HOMER2: variants seen among roughly 807,000 people sequenced by gnomAD.
The protein encoded by HOMER2 is homer protein homolog 2.
HOMER2 carries 27 observed loss-of-function variants against 47.0 expected under a neutral mutation model. The observed-to-expected ratio is 0.57, with a 90% CI of 0.42 to 0.79. HOMER2 has a LOEUF of 0.79. Among genes scored for constraint, HOMER2 ranks in the 30% least tolerant of loss-of-function variants. HOMER2 has a pLI of 0.00. For synonymous variants in HOMER2, 161 were observed against 163.8 expected (o/e 0.98, Z 0.13); for missense variants, 443 against 435.0 (o/e 1.02, Z -0.16).
intron 1 of HOMER2, among the ~76,000 whole-genome samples, chr15:82,983,607 T>C (rs74585004): frequency 1.3e-5 from 2 of 151,954 alleles, no homozygotes; most frequent in African/African-American, 4.8e-5. Flanking sequence ...TTTTTTTTTT[T>C]AGATGGAGTC....
chr15:82,950,178 T>C, intron 1 of HOMER2, among the ~76,000 whole-genome samples: 1 of 152,006 alleles, frequency 6.6e-6, no homozygotes, highest in Non-Finnish European at 1.5e-5. Context: ...CCACGGGGTG[T>C]GCCTAGGAAG....
intron 1 of HOMER2, among the ~76,000 whole-genome samples, chr15:82,951,573 G>A (rs1312415419): frequency 1.3e-5 from 2 of 152,226 alleles, no homozygotes; most frequent in Non-Finnish European, 2.9e-5. Flanking sequence ...GTCCTGCGAA[G>A]GGCTGTTGGA....
At chr15:82,877,383 T>C (rs1400439632) in intron 2 of HOMER2, among the ~76,000 whole-genome samples, 1 of 152,180 alleles carries the variant, frequency 6.6e-6, no homozygotes, top group Non-Finnish European at 1.5e-5. Flanking sequence ...TTGGCCAGGC[T>C]GGTCTCAAAC....
chr15:82,957,540 G>C (rs1011048941), upstream of HOMER2, among the ~76,000 whole-genome samples: 8 of 152,234 alleles, frequency 5.3e-5, no homozygotes, highest in African/African-American at 1.9e-4. Context: ...TGTACTTCCT[G>C]CCAGATAACA....
At chr15:82,965,137 A>C (rs866600736) in intron 1 of HOMER2, among the ~76,000 whole-genome samples, 3 of 152,048 alleles carry the variant, frequency 2.0e-5, no homozygotes, top group African/African-American at 7.2e-5. Context: ...CTCCTGCCTC[A>C]GCTTCTCTAT....
intron 2 of HOMER2, among the ~76,000 whole-genome samples, chr15:82,879,788 A>G (rs531237867): frequency 1.3e-5 from 2 of 152,168 alleles, no homozygotes; most frequent in Non-Finnish European, 2.9e-5. Flanking sequence ...TCCTTTCACA[A>G]AAGATTTCTC....
intron 1 of HOMER2, among the ~76,000 whole-genome samples, chr15:82,928,001 C>T (rs1448134702): frequency 6.7e-6 from 1 of 149,160 alleles, no homozygotes; most frequent in African/African-American, 2.5e-5. Context: ...AAAAAGTGCA[C>T]CGCTAGGCTA....
intron 2 of HOMER2, among the ~76,000 whole-genome samples, chr15:82,876,442 G>T (rs1022295013): frequency 2.0e-5 from 3 of 152,214 alleles, no homozygotes; most frequent in African/African-American, 7.2e-5. Context: ...TAGTCAGGAA[G>T]AGGGCAAAGA....
rs2051318352 is a variant in HOMER2, at chr15:82,849,535, A to G, written c.*180T>C. On this transcript the variant is annotated 3_prime_UTR_variant, in exon 9 of 9. Transcript: ENST00000450735. ...CAGTTGTCCACAACCTCACAAGGCC[A>G]GAGAAGCGAGAGGAGATTTCTATTC... The G allele has an allele frequency of 1.7e-6, 1 of 598,198 alleles. No individual in the cohort carries two copies. Among genetic ancestry groups the G allele is most frequent in the Admixed American group, 3.0e-5 (1 of 33,044 alleles). The allele number at this position is 598,198 out of a possible 1,614,324, so 37.1% of individuals were successfully genotyped here.
intron 1 of HOMER2, among the ~76,000 whole-genome samples, chr15:82,903,458 CA>C (rs201337912): frequency 0.058 from 8,709 of 151,052 alleles, 579 homozygotes; most frequent in African/African-American, 0.16. Flanking sequence ...ACTAAAAATA[CA>C]AAAAAAAATT....
intron 4 of HOMER2, among the ~76,000 whole-genome samples, chr15:82,862,271 T>G (rs2051820381): frequency 6.6e-6 from 1 of 152,080 alleles, no homozygotes; most frequent in Non-Finnish European, 1.5e-5. Flanking sequence ...TGCTAAAGAT[T>G]AGAAACAAAA....
intron 2 of HOMER2, among the ~76,000 whole-genome samples, chr15:82,889,790 C>A (rs894717534): frequency 6.6e-6 from 1 of 152,108 alleles, no homozygotes; most frequent in East Asian, 1.9e-4. Flanking sequence ...GCTGGGTTTA[C>A]AGGTTGCTGC....
chr15:82,985,966 T>C (rs745698969), upstream of HOMER2: 34 of 624,174 alleles, frequency 5.4e-5, no homozygotes, highest in South Asian at 1.6e-3. Context: ...ACCCGTCACC[T>C]GCTCCCAATC....
upstream of HOMER2, chr15:82,985,991 G>C: frequency 1.2e-6 from 1 of 835,020 alleles, no homozygotes; most frequent in South Asian, 5.4e-5. Context: ...GAGCTTAATA[G>C]ACGGCGACGT....
downstream of HOMER2, chr15:82,835,878 T>TG (rs1386786250): frequency 6.6e-6 from 1 of 152,228 alleles, no homozygotes; most frequent in African/African-American, 2.4e-5. Context: ...AATTTGGAAT[T>TG]GAAAAAGTAG....
chr15:82,855,518 C>CA (rs2051557605), intron 5 of HOMER2, among the ~76,000 whole-genome samples: 1 of 152,100 alleles, frequency 6.6e-6, no homozygotes, highest in Non-Finnish European at 1.5e-5. Flanking sequence ...GACGGACCTC[C>CA]AGGACGCTGG....
At chr15:82,919,535 AAG>A (rs1301947505) in intron 1 of HOMER2, among the ~76,000 whole-genome samples, 1 of 152,238 alleles carries the variant, frequency 6.6e-6, no homozygotes, top group Non-Finnish European at 1.5e-5. Context: ...TCTCCCAACA[AAG>A]AGGCTTCACA....
chr15:82,964,981 A>G (rs750935202), intron 1 of HOMER2, among the ~76,000 whole-genome samples: 12 of 152,186 alleles, frequency 7.9e-5, no homozygotes, highest in Non-Finnish European at 1.2e-4. Context: ...TAATATGTCA[A>G]TGTAGACTTA....
intron 2 of HOMER2, among the ~76,000 whole-genome samples, chr15:82,878,667 G>A (rs552852140): frequency 9.2e-5 from 14 of 152,250 alleles, no homozygotes; most frequent in African/African-American, 2.2e-4. Context: ...TTGCTCTGTT[G>A]CCCAGGCTAG....
Sources: allele counts gnomAD v4.1 joint callset (sites outside exome capture counted in the v4.1 genomes callset), GRCh38; gene constraint gnomAD v4.1.1; transcripts MANE v1.5; gene names NCBI Gene and HGNC (gene_info 2026-07-23, HGNC 2026-07-21).